Variants in CIROZ observed in about 807,000 individuals in gnomAD.
CIROZ encodes the protein ciliated left-right organizer ZP-N domains-containing protein.
the CIROZ span, among the ~76,000 whole-genome samples, chr1:10,979,664 C>A: frequency 3.9e-5 from 6 of 152,124 alleles, no homozygotes; most frequent in African/African-American, 9.7e-5. Context: ...TTTCCTGTAA[C>A]CTGGAAACCA....
the CIROZ span, chr1:10,955,008 G>C: frequency 6.2e-7 from 1 of 1,604,460 alleles, no homozygotes; most frequent in Non-Finnish European, 8.5e-7. Flanking sequence ...GGAGCACCCC[G>C]GCCGCCGGAA....
the CIROZ span, among the ~76,000 whole-genome samples, chr1:10,950,326 C>T: frequency 1.1e-4 from 17 of 152,146 alleles, no homozygotes; most frequent in African/African-American, 3.6e-4. Context: ...TGAGCCACCA[C>T]GACTGGCCCA....
chr1:10,955,717 G>A, the CIROZ span, among the ~76,000 whole-genome samples: 1 of 151,888 alleles, frequency 6.6e-6, no homozygotes, highest in Admixed American at 6.6e-5. Flanking sequence ...GGTGGCGGGT[G>A]CCTGTAATCC....
the CIROZ span, among the ~76,000 whole-genome samples, chr1:10,961,392 GC>G: frequency 2.8e-4 from 42 of 152,108 alleles, 1 homozygote. Context: ...CTCCCGCTCA[GC>G]CCCTGCTCCT....
the CIROZ span, chr1:10,948,218 C>T: frequency 6.2e-7 from 1 of 1,613,946 alleles, no homozygotes; most frequent in African/African-American, 1.3e-5. Context: ...GGTCCATGTG[C>T]CCCCTGGCCC....
the CIROZ span, chr1:10,949,291 T>C: frequency 5.7e-6 from 2 of 351,202 alleles, no homozygotes; most frequent in South Asian, 3.8e-5. Flanking sequence ...CTGGTGTGCC[T>C]CAGTTTCCCT....
the CIROZ span, among the ~76,000 whole-genome samples, chr1:10,954,452 T>G: frequency 2.7e-5 from 3 of 109,720 alleles, no homozygotes; most frequent in African/African-American, 1.7e-4. Flanking sequence ...AGACTCTGTC[T>G]CAAAAAAAAA....
the CIROZ span, chr1:10,957,002 A>G: frequency 1.3e-6 from 2 of 1,542,062 alleles, no homozygotes; most frequent in Non-Finnish European, 1.8e-6. Context: ...GGTGGACATT[A>G]GGGGCACTCC....
At chr1:10,981,865 G>A in the CIROZ span, 1 of 932,196 alleles carries the variant, frequency 1.1e-6, no homozygotes, top group Non-Finnish European at 1.6e-6. Flanking sequence ...AGGCATCCAT[G>A]CATCTGGGCC....
the CIROZ span, chr1:10,949,125 G>T: frequency 1.0e-5 from 3 of 296,300 alleles, no homozygotes; most frequent in Non-Finnish European, 1.9e-5. Flanking sequence ...TCGGGAAGCT[G>T]AGGCAGAAGG....
At chr1:10,980,424 G>A in the CIROZ span, among the ~76,000 whole-genome samples, 3 of 152,270 alleles carry the variant, frequency 2.0e-5, no homozygotes, top group Non-Finnish European at 4.4e-5. Flanking sequence ...CCTGGACACT[G>A]AGCCCAATGC....
At chr1:10,948,112 G>A in the CIROZ span, 3 of 1,613,400 alleles carry the variant, frequency 1.9e-6, no homozygotes, top group Non-Finnish European at 2.5e-6. Flanking sequence ...CTGGGGTCTG[G>A]CTGCCTCACA....
At chr1:10,958,564 A>T in the CIROZ span, 2 of 944,284 alleles carry the variant, frequency 2.1e-6, no homozygotes, top group Admixed American at 3.9e-5. Context: ...TCAGCCGGCA[A>T]GACCTGGTCC....
At chr1:10,969,438 C>T in the CIROZ span, among the ~76,000 whole-genome samples, 2 of 152,180 alleles carry the variant, frequency 1.3e-5, no homozygotes, top group East Asian at 1.9e-4. Flanking sequence ...ATTTTAGGTG[C>T]GCTCTTCCCC....
At chr1:10,958,708 G>A in the CIROZ span, 84,174 of 1,613,594 alleles carry the variant, frequency 0.052, 4,168 homozygotes, top group African/African-American at 0.27. Flanking sequence ...AATGGGGCCC[G>A]CTTACCTGTC....
the CIROZ span, among the ~76,000 whole-genome samples, chr1:10,977,158 G>A: frequency 6.6e-6 from 1 of 151,842 alleles, no homozygotes. Context: ...AGACCCTAGT[G>A]CTGGGATTAC....
the CIROZ span, among the ~76,000 whole-genome samples, chr1:10,973,753 C>T: frequency 6.6e-6 from 1 of 152,140 alleles, no homozygotes; most frequent in Non-Finnish European, 1.5e-5. Context: ...AGGCCTCCTG[C>T]TCTGTGGAGC....
chr1:10,981,874 C>G, the CIROZ span: 1 of 1,056,284 alleles, frequency 9.5e-7, no homozygotes, highest in Non-Finnish European at 1.4e-6. Flanking sequence ...TGCATCTGGG[C>G]CCCTCACCCA....
chr1:10,980,394 A>G, the CIROZ span, among the ~76,000 whole-genome samples: 25 of 152,324 alleles, frequency 1.6e-4, no homozygotes, highest in East Asian at 4.1e-3. Flanking sequence ...ACGGCCGGGT[A>G]CCCGCCCTGG....
Sources: allele counts gnomAD v4.1 joint callset (sites outside exome capture counted in the v4.1 genomes callset), GRCh38; gene constraint gnomAD v4.1.1; transcripts MANE v1.5; gene names NCBI Gene and HGNC (gene_info 2026-07-23, HGNC 2026-07-21).